The following ATXN7L1 variants were observed in gnomAD, a reference collection of about 807,000 sequenced individuals.
ATXN7L1 encodes ataxin-7-like protein 1.
A neutral mutation model predicts 70.8 loss-of-function variants in ATXN7L1; 15 were observed. The observed-to-expected ratio is 0.21, with a 90% CI of 0.14 to 0.33. The LOEUF is 0.33. Among genes scored for constraint, ATXN7L1 ranks in the 10% least tolerant of loss-of-function variants. ATXN7L1 has a pLI of 1.00. For missense variants in ATXN7L1, 975 were observed against 1,097.1 expected, an observed-to-expected ratio of 0.89 and a Z score of 1.57; for synonymous variants, 440 against 445.1, an observed-to-expected ratio of 0.99 and a Z score of 0.14.
intron 2 of ATXN7L1, among the ~76,000 whole-genome samples, chr7:105,814,309 A>T (rs1366336531): frequency 6.6e-6 from 1 of 152,118 alleles, no homozygotes; most frequent in Admixed American, 6.6e-5. Context: ...AATAAACTTG[A>T]TCTTTGCCCC....
At position 105,621,093 on chromosome 7, in the gene ATXN7L1, C is replaced by A. The variant is rs1369950827; in HGVS notation, c.1396-772G>T. On this transcript the variant is annotated intron_variant, in intron 8 of 11. Coordinates refer to ENST00000419735, the MANE Select transcript of ATXN7L1 (RefSeq NM_020725.2). ...TCAACAGAGCCACTTTGCTTCCAGC[C>A]AGGCTAAATGCCTTCGTTTCCCAGT... Among the ~76,000 whole-genome samples, 3 of 152,276 alleles carry A rather than the reference C, an allele frequency of 2.0e-5. No individual in the cohort carries two copies. In the East Asian group the frequency reaches 5.8e-4, roughly 29 times the overall value.
intron 3 of ATXN7L1, chr7:105,760,680 C>T (rs2116411516): frequency 3.7e-6 from 2 of 535,426 alleles, no homozygotes; most frequent in Middle Eastern, 9.4e-4. Context: ...TTGTTTTCAA[C>T]ATATAAGGGA....
At position 105,858,718 on chromosome 7, in the gene ATXN7L1, T is replaced by C. The variant is rs143300909; in HGVS notation, c.250+17094A>G. On this transcript the variant is annotated intron_variant, in intron 2 of 11. Transcript: ENST00000419735. The stretch of plus-strand genomic sequence containing the variant: ...GCACTCAGAATCACCTGGGACACAT[T>C]TGCACCAAAATGTTGAGTCTGAATC... Among the ~76,000 whole-genome samples, 879 of 152,176 alleles carry C rather than the reference T, an allele frequency of 5.8e-3. 12 individuals carry two copies. Among genetic ancestry groups the C allele is most frequent in the African/African-American group, 0.02 (836 of 41,492 alleles).
At position 105,664,563 on chromosome 7, in the gene ATXN7L1, A is replaced by ATATGTGTGTGTGTGTG. The variant is rs1584603954; in HGVS notation, c.578+502_578+503insCACACACACACACATA. Among the ~76,000 whole-genome samples, 4 of 134,730 alleles carry ATATGTGTGTGTGTGTG rather than the reference A, an allele frequency of 3.0e-5. No individual in the cohort carries two copies. The East Asian group carries it at 6.8e-4, about 23-fold the overall frequency. 88.4% of individuals were successfully genotyped at this position (134,730 alleles called of 152,430 possible). On this transcript the variant is annotated intron_variant, in intron 4 of 11. Transcript: ENST00000419735. ...TATGTATAATATACATATATATATT[A>ATATGTGTGTGTGTGTG]TGTATGTGTGTGTATATATATATAT...
intron 3 of ATXN7L1, among the ~76,000 whole-genome samples, chr7:105,669,828 A>G (rs1803254763): frequency 6.6e-6 from 1 of 151,612 alleles, no homozygotes; most frequent in Non-Finnish European, 1.5e-5. Flanking sequence ...CTGAGGCAGG[A>G]GAACCGCTTA....
intron 11 of ATXN7L1, 51 bp downstream of exon 11, chr7:105,610,478 C>A: frequency 6.9e-7 from 1 of 1,443,068 alleles, no homozygotes. Flanking sequence ...TCTTTCCACT[C>A]TGCTGATGAC....
At chr7:105,723,727 C>T (rs1355385302) in intron 3 of ATXN7L1, among the ~76,000 whole-genome samples, 3 of 152,160 alleles carry the variant, frequency 2.0e-5, no homozygotes, top group African/African-American at 4.8e-5. Context: ...GGCAGCGGAG[C>T]GAGGTCAAAA....
chr7:105,817,236 GAA>G (rs949346944), intron 2 of ATXN7L1, among the ~76,000 whole-genome samples: 1 of 152,178 alleles, frequency 6.6e-6, no homozygotes, highest in African/African-American at 2.4e-5. Flanking sequence ...TGATACAGGA[GAA>G]AGCAATTTCA....
intron 3 of ATXN7L1, among the ~76,000 whole-genome samples, chr7:105,775,928 A>G (rs957495404): frequency 6.6e-6 from 1 of 152,014 alleles, no homozygotes; most frequent in Non-Finnish European, 1.5e-5. Flanking sequence ...AGGCTCTGGG[A>G]GGGGGAGTCT....
chr7:105,654,479 C>T (rs781541645), intron 4 of ATXN7L1, among the ~76,000 whole-genome samples: 40 of 152,254 alleles, frequency 2.6e-4, no homozygotes, highest in Non-Finnish European at 5.1e-4. Flanking sequence ...CGTCAGGCAA[C>T]ACCGAGGGTG....
chr7:105,618,973 T>C (rs1371513733), intron 9 of ATXN7L1, among the ~76,000 whole-genome samples: 2 of 151,676 alleles, frequency 1.3e-5, no homozygotes, highest in South Asian at 2.1e-4. Context: ...GAAGTACAAG[T>C]AGAGGTGGGT....
chr7:105,697,506 T>C (rs1046828189), intron 3 of ATXN7L1, among the ~76,000 whole-genome samples: 4 of 152,272 alleles, frequency 2.6e-5, no homozygotes, highest in South Asian at 4.1e-4. Flanking sequence ...CAATTGCTGT[T>C]ATCCTGTTCT....
Position 105,663,763 on chromosome 7 carries a change from AT to A in ATXN7L1, c.578+1302del, listed in dbSNP as rs1012145463. Among the ~76,000 whole-genome samples the A allele has an allele frequency of 7.8e-3, 1,134 of 145,780 alleles. 15 individuals are homozygous for A. Among genetic ancestry groups the A allele is most frequent in the African/African-American group, 0.029 (1,068 of 36,996 alleles). On this transcript the variant is annotated intron_variant, in intron 4 of 11. Coordinates refer to ENST00000419735, the MANE Select transcript of ATXN7L1 (RefSeq NM_020725.2). ...TAACAAAATGAATTAAAAGCCTCAG[AT>A]TTTTTTTTTCTTTTTTTTGAGACAG... is the stretch of plus-strand genomic sequence containing the variant.
rs1191774371 is a variant in ATXN7L1, at chr7:105,619,140, GTTTTTTTTT to G, written c.1517+1051_1517+1059del. 1.2e-3 allele frequency among the ~76,000 whole-genome samples: 61 copies of G among 49,846 alleles called. 3 individuals carry two copies. The South Asian group carries it at 0.018, about 15-fold the overall frequency. The allele number at this position is 49,846 out of a possible 152,430, so 32.7% of individuals were successfully genotyped here. ...GTCCACAACCATAATGAAATCTTTA[GTTTTTTTTT>G]TTTTTTTTTTTTTTTTGAGACGGAG... is the stretch of plus-strand genomic sequence containing the variant. On this transcript the variant is annotated intron_variant, in intron 9 of 11. Transcript: ENST00000419735.
intron 7 of ATXN7L1, among the ~76,000 whole-genome samples, chr7:105,626,544 G>A (rs928101818): frequency 6.6e-6 from 1 of 152,148 alleles, no homozygotes; most frequent in Admixed American, 6.5e-5. Context: ...AGTGTCATAA[G>A]AATTATGTTG....
chr7:105,706,476 T>C (rs1451444255), intron 3 of ATXN7L1, among the ~76,000 whole-genome samples: 1 of 152,138 alleles, frequency 6.6e-6, no homozygotes, highest in Non-Finnish European at 1.5e-5. Flanking sequence ...GATTACATAG[T>C]TGGTTTTTAT....
intron 2 of ATXN7L1, among the ~76,000 whole-genome samples, chr7:105,860,768 G>A (rs1585175125): frequency 6.6e-6 from 1 of 152,160 alleles, no homozygotes; most frequent in African/African-American, 2.4e-5. Flanking sequence ...GACAATACAG[G>A]TATTTCAAAA....
intron 3 of ATXN7L1, among the ~76,000 whole-genome samples, chr7:105,741,819 C>T (rs1217789409): frequency 6.6e-6 from 1 of 152,190 alleles, no homozygotes; most frequent in African/African-American, 2.4e-5. Context: ...GTGACATGCA[C>T]AGCGAGAGCA....
At chr7:105,874,180 AAC>A (rs1179317589) in intron 2 of ATXN7L1, among the ~76,000 whole-genome samples, 2 of 152,100 alleles carry the variant, frequency 1.3e-5, no homozygotes, top group Admixed American at 6.5e-5. Flanking sequence ...ATCTGAGAAC[AAC>A]AGTCTTCTGA....
Sources: allele counts gnomAD v4.1 joint callset (sites outside exome capture counted in the v4.1 genomes callset), GRCh38; gene constraint gnomAD v4.1.1; transcripts MANE v1.5; gene names NCBI Gene and HGNC (gene_info 2026-07-23, HGNC 2026-07-21).